The following GABRG3 variants were observed in gnomAD, a reference collection of about 807,000 sequenced individuals.
The protein encoded by GABRG3 is gamma-aminobutyric acid type A receptor subunit gamma3, also known as gamma-aminobutyric acid receptor subunit gamma-3.
In GABRG3, 25 loss-of-function variants were observed where a neutral mutation model predicts 48.8. The ratio of observed to expected loss-of-function variants is 0.51; its 90% CI spans 0.37 to 0.72. The LOEUF (loss-of-function observed/expected upper bound fraction) is 0.72, where lower values mean the gene tolerates loss of function less well. Ranked by LOEUF, GABRG3 falls within the 30% of genes least tolerant of loss-of-function variation. GABRG3 has a pLI of 0.00. For synonymous variants in GABRG3, 227 were observed against 217.6 expected (o/e 1.04, Z -0.38); for missense variants, 394 against 577.9 (o/e 0.68, Z 3.26).
intron 3 of GABRG3, among the ~76,000 whole-genome samples, chr15:27,034,919 C>T (rs1896149965): frequency 6.6e-6 from 1 of 152,192 alleles, no homozygotes; most frequent in African/African-American, 2.4e-5. Flanking sequence ...TCTTTTGCTC[C>T]AGTAGTCTTA....
intron 3 of GABRG3, among the ~76,000 whole-genome samples, chr15:27,279,730 A>T (rs943015556): frequency 1.8e-4 from 27 of 152,254 alleles, no homozygotes; most frequent in Admixed American, 1.0e-3. Flanking sequence ...TCTTTAAAAA[A>T]TTTTTTTAGC....
At chr15:27,252,471 G>A (rs1566980763) in intron 3 of GABRG3, among the ~76,000 whole-genome samples, 1 of 152,324 alleles carries the variant, frequency 6.6e-6, no homozygotes, top group East Asian at 1.9e-4. Flanking sequence ...CAGCATAGAG[G>A]AGACCAGATT....
intron 6 of GABRG3, among the ~76,000 whole-genome samples, chr15:27,507,559 C>A (rs78016269): frequency 6.6e-6 from 1 of 151,892 alleles, no homozygotes; most frequent in Non-Finnish European, 1.5e-5. Context: ...TGTTAAGCTT[C>A]GGTTTGTGGC....
At chr15:27,209,209 T>C (rs1006206602) in intron 3 of GABRG3, among the ~76,000 whole-genome samples, 2 of 152,184 alleles carry the variant, frequency 1.3e-5, no homozygotes, top group African/African-American at 4.8e-5. Flanking sequence ...TGGAGAGTCC[T>C]GTCATCCAAA....
chr15:27,488,645 A>G (rs1216807013), intron 6 of GABRG3, among the ~76,000 whole-genome samples: 2 of 152,224 alleles, frequency 1.3e-5, no homozygotes, highest in African/African-American at 4.8e-5. Flanking sequence ...AATTAGCTCA[A>G]AGAAAGTACT....
At chr15:27,389,296 G>A (rs1896149132) in intron 5 of GABRG3, among the ~76,000 whole-genome samples, 1 of 152,180 alleles carries the variant, frequency 6.6e-6, no homozygotes, top group South Asian at 2.1e-4. Context: ...ATATCCAGTG[G>A]TAAGTGTGTG....
At chr15:27,525,783 T>A (rs1595811458) in intron 7 of GABRG3, among the ~76,000 whole-genome samples, 1 of 86,996 alleles carries the variant, frequency 1.1e-5, no homozygotes, top group South Asian at 3.1e-4. Context: ...GGACATGATC[T>A]CATTCTTTTT....
At chr15:27,266,190 T>C (rs1309753336) in intron 3 of GABRG3, among the ~76,000 whole-genome samples, 2 of 152,174 alleles carry the variant, frequency 1.3e-5, no homozygotes, top group Admixed American at 6.5e-5. Flanking sequence ...CTGATTTTTT[T>C]TTTCTGGAAG....
intron 2 of GABRG3, among the ~76,000 whole-genome samples, chr15:27,000,736 G>A (rs1895428388): frequency 6.6e-6 from 1 of 152,140 alleles, no homozygotes; most frequent in Admixed American, 6.5e-5. Flanking sequence ...CTTAGAAGCT[G>A]AGCAGATGCC....
chr15:27,344,575 T>C (rs1048720956), intron 5 of GABRG3, among the ~76,000 whole-genome samples: 1 of 152,208 alleles, frequency 6.6e-6, no homozygotes, highest in Non-Finnish European at 1.5e-5. Flanking sequence ...TATAATAAAG[T>C]TATTTTGATC....
At chr15:27,158,391 C>T (rs1197902558) in intron 3 of GABRG3, 2 of 152,140 alleles carry the variant, frequency 1.3e-5, no homozygotes, top group African/African-American at 4.8e-5. Flanking sequence ...CATACTGATC[C>T]TGTACCTAAG....
chr15:27,084,502 A>G (rs759603572), intron 3 of GABRG3, among the ~76,000 whole-genome samples: 1 of 152,264 alleles, frequency 6.6e-6, no homozygotes, highest in Non-Finnish European at 1.5e-5. Context: ...CAAATAAGCA[A>G]ACACTGAGAA....
At chr15:27,435,702 C>T (rs946045524) in intron 5 of GABRG3, among the ~76,000 whole-genome samples, 15 of 152,278 alleles carry the variant, frequency 9.9e-5, no homozygotes, top group African/African-American at 3.6e-4. Flanking sequence ...TTGGAATCAC[C>T]ACTGAGGCCT....
chr15:27,504,041 T>C (rs1890705337), intron 6 of GABRG3, among the ~76,000 whole-genome samples: 1 of 152,148 alleles, frequency 6.6e-6, no homozygotes, highest in Admixed American at 6.5e-5. Flanking sequence ...ATCCTTTTAC[T>C]TTTAATCTAT....
At chr15:27,526,279 G>C (rs1362671645) in intron 7 of GABRG3, among the ~76,000 whole-genome samples, 2 of 152,214 alleles carry the variant, frequency 1.3e-5, no homozygotes, top group East Asian at 3.8e-4. Flanking sequence ...GCCTTGAGTA[G>C]ATGCAGGGAG....
At chr15:27,400,793 A>G (rs938815064) in intron 5 of GABRG3, among the ~76,000 whole-genome samples, 1 of 152,214 alleles carries the variant, frequency 6.6e-6, no homozygotes, top group Non-Finnish European at 1.5e-5. Flanking sequence ...TGGTATTGTC[A>G]TCATTGTCTA....
intron 5 of GABRG3, among the ~76,000 whole-genome samples, chr15:27,383,543 AT>A (rs1895839370): frequency 6.6e-6 from 1 of 152,104 alleles, no homozygotes; most frequent in Non-Finnish European, 1.5e-5. Context: ...CCAGTCCAGT[AT>A]TTGTCTCATT....
At chr15:27,358,895 G>A (rs552340836) in intron 5 of GABRG3, among the ~76,000 whole-genome samples, 71 of 152,292 alleles carry the variant, frequency 4.7e-4, no homozygotes, top group Admixed American at 1.2e-3. Context: ...TGCAATGCCC[G>A]CTCAGTGGGC....
intron 3 of GABRG3, among the ~76,000 whole-genome samples, chr15:27,100,549 C>G (rs1897338115): frequency 6.6e-6 from 1 of 152,094 alleles, no homozygotes; most frequent in African/African-American, 2.4e-5. Flanking sequence ...AGAGCAGTTT[C>G]TTTCATGAAC....
Sources: allele counts gnomAD v4.1 joint callset (sites outside exome capture counted in the v4.1 genomes callset), GRCh38; gene constraint gnomAD v4.1.1; transcripts MANE v1.5; gene names NCBI Gene and HGNC (gene_info 2026-07-23, HGNC 2026-07-21).